The following MYO1F variants were observed in gnomAD, a reference collection of about 807,000 sequenced individuals.
MYO1F encodes unconventional myosin-If.
MYO1F carries 60 observed loss-of-function variants against 146.6 expected under a neutral mutation model. That is an observed-to-expected ratio of 0.41 (90% CI 0.33 to 0.51). MYO1F has a LOEUF of 0.51. Ranked by LOEUF, MYO1F falls within the 20% of genes least tolerant of loss-of-function variation. MYO1F has a pLI of 0.25. For synonymous variants in MYO1F, 602 were observed against 602.1 expected (o/e 1.00, Z 0.00); for missense variants, 1,274 against 1,534.3 (o/e 0.83, Z 2.83).
intron 1 of MYO1F, among the ~76,000 whole-genome samples, chr19:8,563,789 G>A (rs1013909842): frequency 1.3e-5 from 2 of 152,024 alleles, no homozygotes; most frequent in Non-Finnish European, 1.5e-5. Flanking sequence ...TGGGATTACA[G>A]GGGTGAGCCA....
chr19:8,530,810 C>G lies in MYO1F; in HGVS notation c.2044-237G>C, dbSNP rs896894788. ...ATCCTAGCACTTCGGGAGGCCGAGG[C>G]GGGTGGATCACCTGAGGTCAGGAGT... is the stretch of plus-strand genomic sequence containing the variant. On this transcript the variant is annotated intron_variant, in intron 19 of 27. Transcript: ENST00000644032. The surrounding 1 kb of genome is among the most constrained non-coding windows in gnomAD (Gnocchi z 5.8). 1.3e-5 allele frequency among the ~76,000 whole-genome samples: 2 copies of G among 152,154 alleles called. No individual in the cohort carries two copies. Among genetic ancestry groups the G allele is most frequent in the African/African-American group, 4.8e-5 (2 of 41,446 alleles).
chr19:8,555,214 A>C (rs981696454), intron 2 of MYO1F, among the ~76,000 whole-genome samples: 1 of 147,490 alleles, frequency 6.8e-6, no homozygotes, highest in Non-Finnish European at 1.5e-5. Flanking sequence ...AAGCAAAAAC[A>C]AAAAAATTAG....
At position 8,550,389 on chromosome 19, in the gene MYO1F, C is replaced by G. The variant is rs761611940; in HGVS notation, c.905-33G>C. ...GGCAAAGGTCAGGGCAAAAATGGGA[C>G]AGTTGGTTGGGCTCTTGTGCCTCCT... On this transcript the variant is annotated intron_variant, in intron 9 of 27. Transcript: ENST00000644032. 7 of 1,596,566 alleles carry G rather than the reference C, an allele frequency of 4.4e-6. No individual in the cohort carries two copies. In the African/African-American group the frequency reaches 5.4e-5, roughly 12 times the overall value.
intron 15 of MYO1F, among the ~76,000 whole-genome samples, chr19:8,541,403 T>TTG (rs200079933): frequency 0.014 from 1,866 of 130,482 alleles, 29 homozygotes; most frequent in Middle Eastern, 0.023. Context: ...GCTATGTTCT[T>TTG]TGTGTGTGTG....
intron 10 of MYO1F, among the ~76,000 whole-genome samples, chr19:8,548,592 CTTTT>C (rs1288175114): frequency 7.2e-6 from 1 of 139,286 alleles, no homozygotes; most frequent in Admixed American, 7.0e-5. Context: ...CCTCTATTTT[CTTTT>C]TTTTTTTTTC....
At chr19:8,566,026 T>C (rs1303164339) in intron 1 of MYO1F, among the ~76,000 whole-genome samples, 2 of 152,094 alleles carry the variant, frequency 1.3e-5, no homozygotes, top group East Asian at 3.9e-4. Context: ...AGAGGATCAC[T>C]TGAGCCCAGG....
chr19:8,558,001 T>A (rs1217871193), intron 1 of MYO1F, among the ~76,000 whole-genome samples: 1 of 152,128 alleles, frequency 6.6e-6, no homozygotes, highest in Non-Finnish European at 1.5e-5. Context: ...TGCCTGTGTA[T>A]GACTTTGTTC....
At chr19:8,549,205 A>T (rs1599980292) in intron 10 of MYO1F, among the ~76,000 whole-genome samples, 1 of 145,512 alleles carries the variant, frequency 6.9e-6, no homozygotes, top group African/African-American at 2.6e-5. Flanking sequence ...GCCCGCTTTG[A>T]CCTCCCAAAG....
chr19:8,566,788 A>G (rs1035835294), intron 1 of MYO1F, among the ~76,000 whole-genome samples: 1 of 151,680 alleles, frequency 6.6e-6, no homozygotes, highest in Non-Finnish European at 1.5e-5. Flanking sequence ...TGCTGGGATT[A>G]CAAGCATGAG....
intron 15 of MYO1F, among the ~76,000 whole-genome samples, chr19:8,541,417 GTGTGTGTGTT>G (rs897157898): frequency 7.5e-6 from 1 of 134,186 alleles, no homozygotes; most frequent in African/African-American, 3.0e-5. Flanking sequence ...GTGTGTGTGT[GTGTGTGTGTT>G]TTTTTTTTTT....
At chr19:8,536,717 G>A (rs1972737747) in intron 17 of MYO1F, 120 bp from the exon 18 acceptor site, 1 of 367,024 alleles carries the variant, frequency 2.7e-6, no homozygotes, top group East Asian at 6.8e-5. Context: ...GGGAAGTTTG[G>A]GGGGTGAGTT....
intron 27 of MYO1F, among the ~76,000 whole-genome samples, chr19:8,522,053 C>CG (rs1972079200): frequency 6.7e-6 from 1 of 149,050 alleles, no homozygotes; most frequent in Admixed American, 6.7e-5. Flanking sequence ...GACGGAGTCT[C>CG]GCTCTATCGC....
At chr19:8,528,275 T>C (rs1972348269) in intron 21 of MYO1F, among the ~76,000 whole-genome samples, 2 of 151,236 alleles carry the variant, frequency 1.3e-5, no homozygotes, top group Admixed American at 1.3e-4. Flanking sequence ...ACGCCTGTAA[T>C]CCCAGCACTT....
chr19:8,559,422 TTAAA>T (rs895064522), intron 1 of MYO1F, among the ~76,000 whole-genome samples: 3 of 151,824 alleles, frequency 2.0e-5, no homozygotes, highest in Non-Finnish European at 2.9e-5. Context: ...CCCATGGGCA[TTAAA>T]TAAGCCCAGC....
At chr19:8,524,844 C>T (rs1226065397) in intron 25 of MYO1F, among the ~76,000 whole-genome samples, 1 of 152,066 alleles carries the variant, frequency 6.6e-6, no homozygotes, top group Non-Finnish European at 1.5e-5. Context: ...GAGAGAGAAG[C>T]AGAGAAAACG....
intron 12 of MYO1F, 53 bp downstream of exon 12, chr19:8,547,983 T>TGG: frequency 7.3e-7 from 1 of 1,371,036 alleles, no homozygotes; most frequent in Non-Finnish European, 1.0e-6. Flanking sequence ...TCATGGTCCT[T>TGG]CCACCCCACC....
intron 1 of MYO1F, among the ~76,000 whole-genome samples, chr19:8,557,266 C>T (rs1291160293): frequency 6.6e-6 from 1 of 151,430 alleles, no homozygotes; most frequent in East Asian, 1.9e-4. Flanking sequence ...TCCTGGATGA[C>T]TCTGTCTCAA....
chr19:8,561,423 CT>C (rs1378898598), intron 1 of MYO1F, among the ~76,000 whole-genome samples: 86 of 117,630 alleles, frequency 7.3e-4, no homozygotes, highest in Non-Finnish European at 1.2e-3. Flanking sequence ...CCCTCCCTTC[CT>C]TTCTCCTCTC....
At chr19:8,536,767 G>C (rs1972740996) in intron 17 of MYO1F, 170 bp from the exon 18 acceptor site, 1 of 419,820 alleles carries the variant, frequency 2.4e-6, no homozygotes, top group East Asian at 4.9e-5. Flanking sequence ...CCTGGGGACT[G>C]GGGGGAGGGA....
Sources: gnomAD v4.1 joint callset for allele counts (sites outside exome capture counted in the v4.1 genomes callset) on GRCh38, gnomAD v4.1.1 for gene constraint, Gnocchi (gnomAD v3.1) non-coding constraint, MANE v1.5 for transcripts, NCBI Gene and HGNC (gene_info 2026-07-23, HGNC 2026-07-21) for gene names.